The following GALNT17 variants were observed in gnomAD, a reference collection of about 807,000 sequenced individuals.
GALNT17 encodes polypeptide N-acetylgalactosaminyltransferase 17, also known as UDP-GalNAc:polypeptide N-acetylgalactosaminyltransferase-like 3.
A neutral mutation model predicts 63.7 loss-of-function variants in GALNT17; 29 were observed. The ratio of observed to expected loss-of-function variants is 0.46; its 90% CI spans 0.34 to 0.62. The LOEUF is 0.62. Among genes scored for constraint, GALNT17 ranks in the 20% least tolerant of loss-of-function variants. The pLI is 0.01. For missense variants in GALNT17, 603 were observed against 799.6 expected, an observed-to-expected ratio of 0.75 and a Z score of 2.97; for synonymous variants, 305 against 318.3, an observed-to-expected ratio of 0.96 and a Z score of 0.45.
intron 1 of GALNT17, among the ~76,000 whole-genome samples, chr7:71,191,630 G>A (rs780825039): frequency 6.6e-6 from 1 of 152,070 alleles, no homozygotes; most frequent in Non-Finnish European, 1.5e-5. Flanking sequence ...TTATTGCTGC[G>A]TCGTCTTCTA....
At chr7:71,585,354 C>A (rs1789699258) in intron 6 of GALNT17, among the ~76,000 whole-genome samples, 1 of 152,160 alleles carries the variant, frequency 6.6e-6, no homozygotes, top group Non-Finnish European at 1.5e-5. Flanking sequence ...ATGATCACTG[C>A]CTACACCCAT....
intron 3 of GALNT17, among the ~76,000 whole-genome samples, chr7:71,413,735 C>T (rs1793474057): frequency 6.6e-6 from 1 of 152,100 alleles, no homozygotes; most frequent in African/African-American, 2.4e-5. Context: ...TGAGCACAGG[C>T]CAGAGCACAA....
intron 1 of GALNT17, among the ~76,000 whole-genome samples, chr7:71,295,426 C>T (rs972536244): frequency 6.6e-6 from 1 of 151,444 alleles, no homozygotes; most frequent in East Asian, 1.9e-4. Context: ...TCTTCCCCTT[C>T]CCTCCTTCCT....
intron 5 of GALNT17, among the ~76,000 whole-genome samples, chr7:71,434,069 G>A (rs1786915918): frequency 6.6e-6 from 1 of 152,130 alleles, no homozygotes; most frequent in East Asian, 1.9e-4. Flanking sequence ...GGACTCTTGG[G>A]CTTACACCAG....
At chr7:71,372,809 C>T (rs1208655723) in intron 2 of GALNT17, among the ~76,000 whole-genome samples, 4 of 152,104 alleles carry the variant, frequency 2.6e-5, no homozygotes, top group Admixed American at 2.6e-4. Flanking sequence ...GTGTAGCATA[C>T]AACGATGCTT....
chr7:71,427,078 T>G (rs907981840), intron 5 of GALNT17, among the ~76,000 whole-genome samples: 3 of 151,576 alleles, frequency 2.0e-5, no homozygotes, highest in African/African-American at 7.3e-5. Flanking sequence ...AGCTTTTCAT[T>G]TACTCTTTTT....
At chr7:71,500,741 C>G (rs1198600250) in intron 5 of GALNT17, among the ~76,000 whole-genome samples, 1 of 152,104 alleles carries the variant, frequency 6.6e-6, no homozygotes, top group Admixed American at 6.6e-5. Context: ...ATTCCGGGGA[C>G]CCTCACTGCA....
intron 1 of GALNT17, among the ~76,000 whole-genome samples, chr7:71,185,363 G>A (rs1172214476): frequency 2.0e-5 from 3 of 151,216 alleles, no homozygotes; most frequent in Admixed American, 6.6e-5. Flanking sequence ...ATGCCACCAT[G>A]CCTTGCTAAT....
At chr7:71,476,044 T>C (rs1032310586) in intron 5 of GALNT17, among the ~76,000 whole-genome samples, 6 of 151,646 alleles carry the variant, frequency 4.0e-5, no homozygotes, top group Non-Finnish European at 8.8e-5. Context: ...TATTCTCTTT[T>C]ATCTTCTTGG....
At chr7:71,513,932 C>T (rs951485289) in intron 5 of GALNT17, among the ~76,000 whole-genome samples, 8 of 152,128 alleles carry the variant, frequency 5.3e-5, no homozygotes, top group South Asian at 2.1e-4. Context: ...TGGCTTATGC[C>T]GGTCATCCCA....
chr7:71,362,032 C>T (rs1792411935), intron 2 of GALNT17, among the ~76,000 whole-genome samples: 1 of 152,208 alleles, frequency 6.6e-6, no homozygotes, highest in Admixed American at 6.5e-5. Context: ...TCTCAGCTCA[C>T]TGCAACCTCT....
chr7:71,616,876 T>TACATAATTAAGA (rs1399392529), intron 6 of GALNT17, among the ~76,000 whole-genome samples: 2 of 2,284 alleles, frequency 8.8e-4, no homozygotes, highest in East Asian at 0.071. Context: ...AAGTATACAT[T>TACATAATTAAGA]ATATAATTAA....
At chr7:71,199,900 T>C (rs969481418) in intron 1 of GALNT17, among the ~76,000 whole-genome samples, 6 of 152,216 alleles carry the variant, frequency 3.9e-5, no homozygotes, top group African/African-American at 1.2e-4. Flanking sequence ...TTTATGGTAC[T>C]GTAATAGAAC....
chr7:71,532,120 C>T (rs1190049359), intron 5 of GALNT17, among the ~76,000 whole-genome samples: 1 of 152,136 alleles, frequency 6.6e-6, no homozygotes, highest in Non-Finnish European at 1.5e-5. Flanking sequence ...TTCTTGTCTT[C>T]CTTCACCTCT....
At chr7:71,375,892 A>C (rs1792712512) in intron 2 of GALNT17, among the ~76,000 whole-genome samples, 1 of 152,178 alleles carries the variant, frequency 6.6e-6, no homozygotes, top group South Asian at 2.1e-4. Flanking sequence ...AGCCTGAACA[A>C]CATGGTAAAA....
At chr7:71,710,205 G>C (rs1447024260) in intron 9 of GALNT17, among the ~76,000 whole-genome samples, 1 of 152,066 alleles carries the variant, frequency 6.6e-6, no homozygotes, top group Non-Finnish European at 1.5e-5. Flanking sequence ...ATTGACTGAG[G>C]ATATGCTTAG....
At chr7:71,293,121 G>A (rs1462401726) in intron 1 of GALNT17, among the ~76,000 whole-genome samples, 2 of 152,164 alleles carry the variant, frequency 1.3e-5, no homozygotes, top group Non-Finnish European at 2.9e-5. Flanking sequence ...AAAAGATAGT[G>A]AGATTATTTT....
At chr7:71,597,909 T>A (rs1789911460) in intron 6 of GALNT17, among the ~76,000 whole-genome samples, 1 of 151,980 alleles carries the variant, frequency 6.6e-6, no homozygotes, top group Non-Finnish European at 1.5e-5. Context: ...TTTCTCATGA[T>A]CCCCTGCTCC....
At chr7:71,253,299 A>G (rs1790233433) in intron 1 of GALNT17, among the ~76,000 whole-genome samples, 1 of 152,134 alleles carries the variant, frequency 6.6e-6, no homozygotes, top group Non-Finnish European at 1.5e-5. Context: ...CTTACATGAC[A>G]AGAGAGAATA....
Sources: gnomAD v4.1 joint callset for allele counts (sites outside exome capture counted in the v4.1 genomes callset) on GRCh38, gnomAD v4.1.1 for gene constraint, MANE v1.5 for transcripts, NCBI Gene and HGNC (gene_info 2026-07-23, HGNC 2026-07-21) for gene names.